OR3A2: variants seen among roughly 807,000 people sequenced by gnomAD.
The protein encoded by OR3A2 is olfactory receptor 3A2.
For missense variants in OR3A2, 318 were observed against 392.8 expected (o/e 0.81, Z 1.61); for synonymous variants, 126 against 159.3 (o/e 0.79, Z 1.57).
chr17:3,375,331 C>A, intron 2 of OR3A2, among the ~76,000 whole-genome samples: 1 of 123,858 alleles, frequency 8.1e-6, no homozygotes, highest in Non-Finnish European at 1.6e-5. Flanking sequence ...TTGAGACAGT[C>A]TCACTCAGTC....
chr17:3,373,143 C>T (rs1281781985), intron 2 of OR3A2, among the ~76,000 whole-genome samples: 1 of 152,136 alleles, frequency 6.6e-6, no homozygotes, highest in Non-Finnish European at 1.5e-5. Context: ...TTTTATTCCA[C>T]TGTGGTCTAA....
chr17:3,358,607 T>C (rs1025847211), intron 2 of OR3A2, among the ~76,000 whole-genome samples: 2 of 151,794 alleles, frequency 1.3e-5, no homozygotes, highest in African/African-American at 4.9e-5. Flanking sequence ...TTAATAATCT[T>C]GACTTCTATT....
intron 2 of OR3A2, among the ~76,000 whole-genome samples, chr17:3,365,867 G>C (rs1310409231): frequency 6.6e-6 from 1 of 152,158 alleles, no homozygotes; most frequent in African/African-American, 2.4e-5. Context: ...AAAATTTTTG[G>C]AAATGCCTGG....
chr17:3,305,508 A>T (rs879400877), intron 3 of OR3A2, among the ~76,000 whole-genome samples: 10 of 152,208 alleles, frequency 6.6e-5, no homozygotes, highest in South Asian at 2.1e-4. Context: ...AGATCCTTGC[A>T]CAAATTAGGG....
intron 2 of OR3A2, among the ~76,000 whole-genome samples, chr17:3,365,969 A>G (rs544754070): frequency 1.6e-4 from 24 of 152,296 alleles, no homozygotes; most frequent in South Asian, 2.1e-4. Context: ...GAGAATAGGA[A>G]GTCCTTGAAT....
At chr17:3,330,028 G>C (rs1273836332) in intron 3 of OR3A2, among the ~76,000 whole-genome samples, 1 of 147,238 alleles carries the variant, frequency 6.8e-6, no homozygotes, top group Non-Finnish European at 1.5e-5. Context: ...GGTTTTGAGT[G>C]AGATTCTTAA....
intron 2 of OR3A2, among the ~76,000 whole-genome samples, chr17:3,372,706 C>T (rs897517761): frequency 5.9e-5 from 9 of 151,746 alleles, no homozygotes; most frequent in East Asian, 1.9e-4. Context: ...CGCCTGCAAT[C>T]GCAGGCACTC....
intron 3 of OR3A2, among the ~76,000 whole-genome samples, chr17:3,324,935 C>T (rs769303019): frequency 4.6e-5 from 7 of 152,068 alleles, no homozygotes; most frequent in South Asian, 2.1e-4. Context: ...CTGTCCTACT[C>T]ATGCTAATGA....
In OR3A2 at chr17:3,310,700, C is replaced by T. The variant is rs57698364; in HGVS notation, c.-85+25333G>A. ...CCTATGACCGCTATCTGGCCATCTGCCAGTCCCTCACCTACAGCAGCCGCA... is the reference window on the plus strand; with the variant it reads ...CCTATGACCGCTATCTGGCCATCTGTCAGTCCCTCACCTACAGCAGCCGCA... On this transcript the variant is annotated intron_variant, in intron 3 of 4. Transcript: ENST00000573491. 8.3e-3 allele frequency: 4,503 copies of T among 545,226 alleles called. 162 individuals carry two copies. Among genetic ancestry groups the T allele is most frequent in the African/African-American group, 0.076 (3,992 of 52,250 alleles). 33.8% of individuals were successfully genotyped at this position (545,226 alleles called of 1,614,324 possible). A position where few individuals can be genotyped will look rare whatever the true frequency, so the allele number is the denominator to read the frequency against.
intron 2 of OR3A2, among the ~76,000 whole-genome samples, chr17:3,345,068 G>A (rs371451901): frequency 6.6e-6 from 1 of 152,278 alleles, no homozygotes; most frequent in East Asian, 1.9e-4. Context: ...AAGGCAAGCA[G>A]GGGAAGATAA....
chr17:3,375,285 T>C (rs1348426059), intron 2 of OR3A2, among the ~76,000 whole-genome samples: 1 of 141,272 alleles, frequency 7.1e-6, no homozygotes, highest in African/African-American at 2.6e-5. Context: ...TCACCTGGAC[T>C]TGACAGATTT....
At chr17:3,280,672 T>C (rs2150616316) in intron 1 of OR3A2, among the ~76,000 whole-genome samples, 1 of 152,160 alleles carries the variant, frequency 6.6e-6, no homozygotes, top group South Asian at 2.1e-4. Flanking sequence ...GCAATGTTAC[T>C]CCCTTGCATA....
chr17:3,293,228 G>T (rs2625458), intron 3 of OR3A2, among the ~76,000 whole-genome samples: 1 of 151,822 alleles, frequency 6.6e-6, no homozygotes, highest in African/African-American at 2.4e-5. Flanking sequence ...GCAATAATGG[G>T]TATATGGTGT....
intron 3 of OR3A2, among the ~76,000 whole-genome samples, chr17:3,300,576 T>A (rs145425204): frequency 0.014 from 2,115 of 152,074 alleles, 21 homozygotes; most frequent in Middle Eastern, 0.058. Flanking sequence ...ATAAATTAAT[T>A]AATTAATTAA....
intron 3 of OR3A2, among the ~76,000 whole-genome samples, chr17:3,301,000 G>C (rs562774575): frequency 6.6e-6 from 1 of 152,084 alleles, no homozygotes; most frequent in Non-Finnish European, 1.5e-5. Context: ...CTTCATCCCT[G>C]TCCTTACAAA....
At chr17:3,321,927 T>A (rs9907545) in intron 3 of OR3A2, among the ~76,000 whole-genome samples, 22,828 of 151,888 alleles carry the variant, frequency 0.15, 2,298 homozygotes, top group African/African-American at 0.28. Context: ...CTCTTTTTCT[T>A]TTGATTGGAA....
chr17:3,345,442 G>GAGA (rs386385455), intron 2 of OR3A2, among the ~76,000 whole-genome samples: 1 of 144,508 alleles, frequency 6.9e-6, no homozygotes, highest in Non-Finnish European at 1.5e-5. Flanking sequence ...GAGAGAGATA[G>GAGA]AGACAGAGAG....
At chr17:3,373,279 G>C (rs2049648989) in intron 2 of OR3A2, among the ~76,000 whole-genome samples, 1 of 152,174 alleles carries the variant, frequency 6.6e-6, no homozygotes, top group Non-Finnish European at 1.5e-5. Flanking sequence ...GCAGTTGTTA[G>C]GTAGAATGTT....
At chr17:3,324,246 G>C (rs1159341718) in intron 3 of OR3A2, among the ~76,000 whole-genome samples, 2 of 151,962 alleles carry the variant, frequency 1.3e-5, no homozygotes, top group African/African-American at 4.8e-5. Flanking sequence ...GGTTGTTCTA[G>C]TTATCCATTC....
Sources: gnomAD v4.1 joint callset for allele counts (sites outside exome capture counted in the v4.1 genomes callset) on GRCh38, gnomAD v4.1.1 for gene constraint, MANE v1.5 for transcripts, NCBI Gene and HGNC (gene_info 2026-07-23, HGNC 2026-07-21) for gene names.